Variants in PPP2R5A observed in about 807,000 individuals in gnomAD.
The protein encoded by PPP2R5A is serine/threonine-protein phosphatase 2A 56 kDa regulatory subunit alpha isoform.
A neutral mutation model predicts 64.2 loss-of-function variants in PPP2R5A; 25 were observed. The ratio of observed to expected loss-of-function variants is 0.39; its 90% CI spans 0.28 to 0.54. PPP2R5A has a LOEUF of 0.54. PPP2R5A is among the 20% of genes least tolerant of loss of function. PPP2R5A has a pLI of 0.67. For missense variants in PPP2R5A, 425 were observed against 576.3 expected (o/e 0.74, Z 2.69); for synonymous variants, 198 against 201.2 (o/e 0.98, Z 0.13).
rs151079801 is a variant in PPP2R5A at position 212,303,843 on chromosome 1, T to C, written c.181+17552T>C. Among the ~76,000 whole-genome samples the C allele has an allele frequency of 1.5e-3, 225 of 152,314 alleles. 2 individuals are homozygous for C. The East Asian group carries it at 0.034, about 23-fold the overall frequency. On this transcript the variant is annotated intron_variant, in intron 1 of 12. Coordinates refer to ENST00000261461, the MANE Select transcript of PPP2R5A (RefSeq NM_006243.4). ...GGCCCTTTTGTTGAAAATTAGCACA[T>C]GGTTTTATTTCTGGATTCTCAATTC...
At chr1:212,287,918 A>C (rs1658533300) in intron 1 of PPP2R5A, among the ~76,000 whole-genome samples, 1 of 152,122 alleles carries the variant, frequency 6.6e-6, no homozygotes, top group East Asian at 1.9e-4. Context: ...CTAGTTTCTT[A>C]GTATTGTACT....
chr1:212,357,221 T>G lies in PPP2R5A; in HGVS notation c.1163T>G (p.Ile388Ser). 1 of 1,596,418 alleles carries G rather than the reference T, an allele frequency of 6.3e-7. No homozygotes were observed. Among genetic ancestry groups the G allele is most frequent in the Non-Finnish European group, 8.5e-7 (1 of 1,174,464 alleles). Reference protein sequence around the residue: ...EYILSLIEENIDKILPIMFAS... With the variant: ...EYILSLIEENSDKILPIMFAS... ...ATTCTTAGTTTGATTGAGGAGAACATTGATAAAATTCTGCCAATTATGTTT... is the reference window on the plus strand; with the variant it reads ...ATTCTTAGTTTGATTGAGGAGAACAGTGATAAAATTCTGCCAATTATGTTT... The change falls in exon 11 of 13, where the codon ATT becomes AGT. Residue 388 changes from isoleucine (I) to serine (S), a missense_variant. Transcript: ENST00000261461.
chr1:212,293,593 G>A (rs1278462910), intron 1 of PPP2R5A, among the ~76,000 whole-genome samples: 1 of 152,058 alleles, frequency 6.6e-6, no homozygotes, highest in Non-Finnish European at 1.5e-5. Flanking sequence ...TTTTTGAACT[G>A]TTACCTGAAG....
intron 3 of PPP2R5A, among the ~76,000 whole-genome samples, chr1:212,339,209 C>G (rs987858073): frequency 6.6e-6 from 1 of 151,968 alleles, no homozygotes; most frequent in Non-Finnish European, 1.5e-5. Flanking sequence ...TGGAGTTTTG[C>G]TCTTGTTGCC....
In PPP2R5A at chr1:212,345,803, C is replaced by A; in HGVS notation, c.574C>A (p.Leu192Ile). The A allele has an allele frequency of 6.3e-7, 1 of 1,593,490 alleles. No homozygotes were observed. Among genetic ancestry groups the A allele is most frequent in the Non-Finnish European group, 8.5e-7 (1 of 1,174,760 alleles). The change falls in exon 5 of 13, where the codon CTC becomes ATC. Residue 192 changes from leucine to isoleucine, a missense_variant and splice_region_variant. Transcript: ENST00000261461. The part of the protein sequence containing the change: ...RYIDQKFVQQ[L>I]LELFDSEDPR... ...GTAATTTCTCAGGTTTCTTTTAAAG[C>A]TCCTGGAGCTTTTTGATAGTGAAGA... is the stretch of plus-strand genomic sequence containing the variant.
intron 1 of PPP2R5A, among the ~76,000 whole-genome samples, chr1:212,306,433 T>C (rs1393409481): frequency 2.0e-5 from 3 of 152,164 alleles, no homozygotes; most frequent in African/African-American, 7.2e-5. Context: ...TATCCCACAC[T>C]AATATCAAAC....
intron 7 of PPP2R5A, 72 bp from the exon 8 acceptor site, chr1:212,349,117 G>T: frequency 9.7e-7 from 1 of 1,031,702 alleles, no homozygotes; most frequent in South Asian, 2.5e-5. Flanking sequence ...AAAAAATATT[G>T]GCTAAATATA....
At chr1:212,321,301 G>A (rs1387710131) in intron 1 of PPP2R5A, among the ~76,000 whole-genome samples, 11 of 142,752 alleles carry the variant, frequency 7.7e-5, no homozygotes, top group East Asian at 4.3e-4. Flanking sequence ...CGGACGGGGC[G>A]GCTGGCCGGG....
intron 8 of PPP2R5A, 143 bp downstream of exon 8, chr1:212,349,385 C>A: frequency 1.6e-6 from 1 of 607,866 alleles, no homozygotes; most frequent in Non-Finnish European, 2.6e-6. Flanking sequence ...TGAGATTAAT[C>A]TACATTAAAA....
intron 1 of PPP2R5A, chr1:212,297,393 C>G (rs981380875): frequency 6.6e-6 from 1 of 151,994 alleles, no homozygotes; most frequent in Non-Finnish European, 1.5e-5. Context: ...GGATTACAGT[C>G]GTGAGCCACC....
At chr1:212,316,311 G>T (rs1659151590) in intron 1 of PPP2R5A, among the ~76,000 whole-genome samples, 1 of 152,170 alleles carries the variant, frequency 6.6e-6, no homozygotes, top group African/African-American at 2.4e-5. Context: ...TCCAGTGACC[G>T]CATGAATGAT....
chr1:212,356,496 T>C, intron 8 of PPP2R5A, 130 bp from the exon 9 acceptor site: 1 of 818,142 alleles, frequency 1.2e-6, no homozygotes, highest in Non-Finnish European at 1.8e-6. Context: ...AGAAAGTCTA[T>C]TTATACACAT....
intron 1 of PPP2R5A, among the ~76,000 whole-genome samples, chr1:212,304,406 C>T (rs949550607): frequency 2.0e-5 from 3 of 151,924 alleles, no homozygotes; most frequent in Non-Finnish European, 4.4e-5. Context: ...CAAAATTAGC[C>T]GGGGTGGTGG....
chr1:212,293,722 A>G (rs1658643631), intron 1 of PPP2R5A, among the ~76,000 whole-genome samples: 1 of 151,656 alleles, frequency 6.6e-6, no homozygotes, highest in Non-Finnish European at 1.5e-5. Context: ...GGGGTAGTCT[A>G]ACTTGGATAC....
At chr1:212,332,256 T>A (rs1178030884) in intron 2 of PPP2R5A, among the ~76,000 whole-genome samples, 3 of 152,222 alleles carry the variant, frequency 2.0e-5, no homozygotes, top group Non-Finnish European at 4.4e-5. Context: ...TTAATTTGTG[T>A]ACCAAAGATG....
At chr1:212,357,983 T>G (rs1342921584) in intron 11 of PPP2R5A, 2 of 152,286 alleles carry the variant, frequency 1.3e-5, no homozygotes, top group Non-Finnish European at 2.9e-5. Context: ...TTATTTTTTT[T>G]GGACAGTTGA....
At chr1:212,308,922 C>T in intron 1 of PPP2R5A, 3 of 454,930 alleles carry the variant, frequency 6.6e-6, no homozygotes, top group Non-Finnish European at 1.2e-5. Context: ...CATTTTATTC[C>T]TTTTTTCTTT....
chr1:212,337,952 A>C (rs1659617616), intron 3 of PPP2R5A, among the ~76,000 whole-genome samples: 1 of 152,202 alleles, frequency 6.6e-6, no homozygotes, highest in Admixed American at 6.5e-5. Flanking sequence ...AAATCAATTA[A>C]AAACCTTATT....
At chr1:212,351,952 ATTT>A (rs898548766) in intron 8 of PPP2R5A, among the ~76,000 whole-genome samples, 2 of 147,816 alleles carry the variant, frequency 1.4e-5, no homozygotes, top group East Asian at 2.0e-4. Context: ...CCCCAAAATA[ATTT>A]TTTTATTTTT....
Sources: gnomAD v4.1 joint callset for allele counts (sites outside exome capture counted in the v4.1 genomes callset) on GRCh38, gnomAD v4.1.1 for gene constraint, MANE v1.5 for transcripts, NCBI Gene and HGNC (gene_info 2026-07-23, HGNC 2026-07-21) for gene names.